B4GALT6: variants seen among roughly 807,000 people sequenced by gnomAD.
B4GALT6 encodes the protein UDP-Gal:beta-GlcNAc beta-1,4-galactosyltransferase 6.
Under a neutral mutation model 46.3 loss-of-function variants are expected in B4GALT6, and 14 were observed. The observed-to-expected ratio is 0.30, with a 90% CI of 0.20 to 0.47. The LOEUF (loss-of-function observed/expected upper bound fraction) is 0.47. Among genes scored for constraint, B4GALT6 ranks in the 20% least tolerant of loss-of-function variants. B4GALT6 has a pLI of 0.99. For synonymous variants in B4GALT6, 168 were observed against 162.0 expected (o/e 1.04, Z -0.28); for missense variants, 386 against 480.1 (o/e 0.80, Z 1.83).
At chr18:31,687,767 CTG>C (rs982086170), upstream of B4GALT6, among the ~76,000 whole-genome samples, 2 of 152,036 alleles carry the variant, frequency 1.3e-5, no homozygotes, top group Non-Finnish European at 2.9e-5. Context: ...GGGTATCAAA[CTG>C]AATAAATTAA....
At chr18:31,686,954 T>C (rs950512197), upstream of B4GALT6, 1 of 152,246 alleles carries the variant, frequency 6.6e-6, no homozygotes, top group South Asian at 2.1e-4. Context: ...AAGGAAAGTT[T>C]ACTATAAACT....
At chr18:31,688,556 A>C (rs746667347), upstream of B4GALT6, among the ~76,000 whole-genome samples, 4 of 152,156 alleles carry the variant, frequency 2.6e-5, no homozygotes, top group Non-Finnish European at 5.9e-5. Flanking sequence ...TAGCAGCCCT[A>C]CTTCAGCATT....
chr18:31,691,711 G>C, the B4GALT6 span, among the ~76,000 whole-genome samples: 5 of 152,016 alleles, frequency 3.3e-5, no homozygotes, highest in African/African-American at 4.8e-5. Flanking sequence ...AAGCTTTAAT[G>C]GGTTAATAAT....
the B4GALT6 span, among the ~76,000 whole-genome samples, chr18:31,712,292 T>A: frequency 4.1e-5 from 1 of 24,440 alleles, no homozygotes; most frequent in African/African-American, 7.6e-5. Context: ...ACGTTATTTT[T>A]TTTTTTTTTT....
At chr18:31,636,585 C>A (rs2073861606) in intron 5 of B4GALT6, among the ~76,000 whole-genome samples, 1 of 152,078 alleles carries the variant, frequency 6.6e-6, no homozygotes, top group African/African-American at 2.4e-5. Flanking sequence ...AAAAGACAAA[C>A]CATACCAAGT....
At chr18:31,640,076 A>G (rs373629856) in intron 4 of B4GALT6, among the ~76,000 whole-genome samples, 11 of 152,160 alleles carry the variant, frequency 7.2e-5, no homozygotes, top group African/African-American at 2.7e-4. Flanking sequence ...AAATTCCAAA[A>G]TCATTAGATT....
chr18:31,631,199 T>TA, intron 5 of B4GALT6, 53 bp from the exon 6 acceptor site: 12 of 1,177,308 alleles, frequency 1.0e-5, no homozygotes, highest in Non-Finnish European at 1.4e-5. Context: ...CACTTCATCA[T>TA]CTTTTTTTTT....
At chr18:31,705,364 G>A in the B4GALT6 span, among the ~76,000 whole-genome samples, 1 of 152,098 alleles carries the variant, frequency 6.6e-6, no homozygotes, top group East Asian at 1.9e-4. Flanking sequence ...AATTAACTAG[G>A]GCAACTTTCC....
At chr18:31,700,470 A>G in the B4GALT6 span, among the ~76,000 whole-genome samples, 1 of 67,724 alleles carries the variant, frequency 1.5e-5, no homozygotes, top group South Asian at 6.2e-4. Context: ...TGTGTGTGTG[A>G]GAGAGAGACA....
At chr18:31,667,893 G>A (rs1025402937) in intron 1 of B4GALT6, among the ~76,000 whole-genome samples, 12 of 151,976 alleles carry the variant, frequency 7.9e-5, no homozygotes, top group African/African-American at 1.2e-4. Context: ...TCAACAGATC[G>A]AGACCATCCT....
At chr18:31,670,003 A>G (rs1348251982) in intron 1 of B4GALT6, among the ~76,000 whole-genome samples, 1 of 151,888 alleles carries the variant, frequency 6.6e-6, no homozygotes, top group Non-Finnish European at 1.5e-5. Flanking sequence ...TTTCCTGGAA[A>G]CAACTTTTTA....
chr18:31,672,922 A>G (rs186965034), intron 1 of B4GALT6, among the ~76,000 whole-genome samples: 8 of 152,344 alleles, frequency 5.3e-5, no homozygotes, highest in African/African-American at 1.9e-4. Flanking sequence ...TTCAGGAAGC[A>G]GTGGAAACCA....
At chr18:31,639,954 CT>C (rs1355138394) in intron 4 of B4GALT6, among the ~76,000 whole-genome samples, 1 of 152,082 alleles carries the variant, frequency 6.6e-6, no homozygotes, top group Non-Finnish European at 1.5e-5. Flanking sequence ...CTTGAAAAAC[CT>C]AAAGTGTTTT....
the B4GALT6 span, chr18:31,719,311 G>A: frequency 2.6e-5 from 4 of 152,304 alleles, no homozygotes; most frequent in African/African-American, 9.6e-5. Context: ...CATTCCCAGA[G>A]CAGGGGGCAA....
upstream of B4GALT6, among the ~76,000 whole-genome samples, chr18:31,684,923 C>T (rs2144765762): frequency 6.7e-6 from 1 of 149,312 alleles, no homozygotes; most frequent in Admixed American, 6.6e-5. Context: ...CGCGTCCGCT[C>T]GGCAGGCCCT....
chr18:31,706,582 G>A, the B4GALT6 span, among the ~76,000 whole-genome samples: 1 of 152,250 alleles, frequency 6.6e-6, no homozygotes, highest in Non-Finnish European at 1.5e-5. Flanking sequence ...AGTGAGCTGA[G>A]ATGGCGCCAC....
At chr18:31,666,551 ATTT>A (rs372710442) in intron 1 of B4GALT6, among the ~76,000 whole-genome samples, 179 bp from the exon 2 acceptor site, 6 of 152,132 alleles carry the variant, frequency 3.9e-5, no homozygotes, top group African/African-American at 1.2e-4. Flanking sequence ...AAACAAACTG[ATTT>A]TTTAAGAATA....
the B4GALT6 span, among the ~76,000 whole-genome samples, chr18:31,712,273 T>G: frequency 6.6e-6 from 1 of 150,450 alleles, no homozygotes; most frequent in Non-Finnish European, 1.5e-5. Flanking sequence ...TTTTTGCACT[T>G]CTACTGGGAC....
Position 31,653,934 on chromosome 18 carries a change from C to T in B4GALT6, c.346+4042G>A, listed in dbSNP as rs544057688. Among the ~76,000 whole-genome samples, 58 of 151,198 alleles carry T rather than the reference C, an allele frequency of 3.8e-4. 1 individual carries two copies. The South Asian group carries it at 9.4e-3, about 24-fold the overall frequency. ...GCTCCCATCTCATTTTTTTTTTTTA[C>T]AATAAACATATGCATGACAGTTTGT... On this transcript the variant is annotated intron_variant, in intron 3 of 8. Coordinates refer to ENST00000306851, the MANE Select transcript of B4GALT6 (RefSeq NM_004775.5).
Sources: allele counts gnomAD v4.1 joint callset (sites outside exome capture counted in the v4.1 genomes callset), GRCh38; gene constraint gnomAD v4.1.1; transcripts MANE v1.5; gene names NCBI Gene and HGNC (gene_info 2026-07-23, HGNC 2026-07-21).